ODR4: variants seen among roughly 807,000 people sequenced by gnomAD.
ODR4 encodes odr-4 GPCR localization factor homolog.
In ODR4, 47 loss-of-function variants were observed where a neutral mutation model predicts 60.2. That is an observed-to-expected ratio of 0.78 (90% CI 0.62 to 1.00). The LOEUF (loss-of-function observed/expected upper bound fraction) is 1.00. Among genes scored for constraint, ODR4 ranks in the 50% least tolerant of loss-of-function variants. ODR4 has a pLI of 0.00. For missense variants in ODR4, 488 were observed against 530.8 expected (o/e 0.92, Z 0.79); for synonymous variants, 178 against 175.5 (o/e 1.01, Z -0.11).
At chr1:186,397,758 T>C (rs1472160982) in intron 9 of ODR4, among the ~76,000 whole-genome samples, 1 of 152,188 alleles carries the variant, frequency 6.6e-6, no homozygotes, top group African/African-American at 2.4e-5. Flanking sequence ...TGAAAATATA[T>C]GTGAAACACC....
At position 186,388,455 on chromosome 1, in the gene ODR4, T is replaced by C. The variant is rs1553234923; in HGVS notation, c.344T>C (p.Val115Ala). 1 of 1,544,194 alleles carries C rather than the reference T, an allele frequency of 6.5e-7. No homozygotes were observed. The highest frequency in any genetic ancestry group is 8.7e-7 in the Non-Finnish European group (1 of 1,144,078). Residue 115 changes from valine (V) to alanine (A), a missense_variant, in exon 5 of 14, where the codon GTG becomes GCG. Physicochemically the swap from Val to Ala is moderately conservative, Grantham distance 64 (BLOSUM62 0). Transcript: ENST00000287859. ...TCTCTCTTTCAGCTAATGTTTGCTG[T>C]GGAAAAGTCTATAAATAGAAAGAGA... ...QNALRRLMFA[V>A]EKSINRKRLW...
At chr1:186,424,927 ACATTG>A (rs957926091), downstream of ODR4, among the ~76,000 whole-genome samples, 6 of 151,410 alleles carry the variant, frequency 4.0e-5, no homozygotes, top group Non-Finnish European at 7.4e-5. Flanking sequence ...TATTTTCACC[ACATTG>A]TATTGGTCAA....
At chr1:186,423,036 T>A (rs1475527178), downstream of ODR4, among the ~76,000 whole-genome samples, 1 of 152,072 alleles carries the variant, frequency 6.6e-6, no homozygotes, top group Non-Finnish European at 1.5e-5. Flanking sequence ...TTAGACAAAA[T>A]AGACCAAACT....
chr1:186,424,979 A>G (rs982683299), downstream of ODR4, among the ~76,000 whole-genome samples: 4 of 152,028 alleles, frequency 2.6e-5, no homozygotes, highest in African/African-American at 9.7e-5. Context: ...AAAGAAAAAA[A>G]AAAAAAACCC....
intron 11 of ODR4, chr1:186,401,124 T>C: frequency 1.3e-6 from 2 of 1,596,408 alleles, no homozygotes; most frequent in South Asian, 2.2e-5. Context: ...AAAAATCCTT[T>C]ATAAAAGTGG....
chr1:186,423,835 TGAAAA>T (rs918394212), downstream of ODR4, among the ~76,000 whole-genome samples: 20 of 152,258 alleles, frequency 1.3e-4, no homozygotes, highest in African/African-American at 3.4e-4. Flanking sequence ...ACTGAACACA[TGAAAA>T]GAAGTTTTAC....
chr1:186,376,901 A>G (rs767838952), intron 1 of ODR4, among the ~76,000 whole-genome samples: 1 of 152,224 alleles, frequency 6.6e-6, no homozygotes, highest in Non-Finnish European at 1.5e-5. Context: ...GAGCCCAGAA[A>G]GGTTGAGTTG....
At chr1:186,401,234 C>T (rs1295562805) in intron 11 of ODR4, 55 of 1,433,302 alleles carry the variant, frequency 3.8e-5, no homozygotes, top group Non-Finnish European at 5.2e-5. Flanking sequence ...AGCAGTTGTA[C>T]TGTTTGTATG....
Position 186,385,388 on chromosome 1 carries a change from A to G in ODR4, c.235-600A>G, listed in dbSNP as rs550079815. Among the ~76,000 whole-genome samples the G allele has an allele frequency of 8.0e-5, 12 of 150,906 alleles. No individual in the cohort carries two copies. In the East Asian group the frequency reaches 2.4e-3, roughly 30 times the overall value. On this transcript the variant is annotated intron_variant, in intron 3 of 13. Transcript: ENST00000287859. Reference sequence around the variant, plus strand: ...CCTGACCAACTAGTAGGGTTCACAGATAACTATGATATAAGACTATGTGAT... The same window carrying G: ...CCTGACCAACTAGTAGGGTTCACAGGTAACTATGATATAAGACTATGTGAT...
intron 12 of ODR4, among the ~76,000 whole-genome samples, chr1:186,409,787 G>A (rs796991388): frequency 6.6e-6 from 1 of 152,050 alleles, no homozygotes; most frequent in African/African-American, 2.4e-5. Flanking sequence ...CTTGTGATCC[G>A]CCTGCCTCAG....
In ODR4 at chr1:186,376,704, A is replaced by G. The variant is rs145618059; in HGVS notation, c.-20+730A>G. Among the ~76,000 whole-genome samples, 1,083 of 152,338 alleles carry G rather than the reference A, an allele frequency of 7.1e-3. 12 individuals carry two copies. Among genetic ancestry groups the G allele is most frequent in the African/African-American group, 0.025 (1,029 of 41,576 alleles). On this transcript the variant is annotated intron_variant, in intron 1 of 13. Coordinates refer to ENST00000287859, the MANE Select transcript of ODR4 (RefSeq NM_017847.6). ...CCCCAAAAATATTTTTTAGATAAGC[A>G]TTGTAATTAAAGTTGCTGGTATATG...
chr1:186,391,015 A>C (rs1660448192), intron 7 of ODR4, among the ~76,000 whole-genome samples, 164 bp downstream of exon 7: 1 of 152,204 alleles, frequency 6.6e-6, no homozygotes, highest in Non-Finnish European at 1.5e-5. Flanking sequence ...AATTTTTAGA[A>C]ATTTTTAGAA....
intron 3 of ODR4, among the ~76,000 whole-genome samples, chr1:186,383,874 G>T (rs112454419): frequency 0.2 from 29,904 of 151,590 alleles, 3,500 homozygotes; most frequent in African/African-American, 0.32. Context: ...CCCGTCTCTA[G>T]TAAAAATATG....
chr1:186,416,995 C>T (rs1661599746), intron 12 of ODR4, among the ~76,000 whole-genome samples: 1 of 151,916 alleles, frequency 6.6e-6, no homozygotes, highest in Admixed American at 6.6e-5. Flanking sequence ...CAGAGTCTCG[C>T]TCTTTCACCC....
rs567053723 is a variant in ODR4 at position 186,396,133 on chromosome 1, A to G, written c.780+2118A>G. ...TTGTGTAAGATTTCATTTGGTTCCC[A>G]TAGAAATGGGGATCTTCTCTTTTTC... On this transcript the variant is annotated intron_variant, in intron 9 of 13. Coordinates refer to ENST00000287859, the MANE Select transcript of ODR4 (RefSeq NM_017847.6). Among the ~76,000 whole-genome samples the G allele has an allele frequency of 8.5e-5, 13 of 152,330 alleles. No homozygotes were observed. In the East Asian group the frequency reaches 1.9e-3, roughly 23 times the overall value.
chr1:186,393,842 CTTG>C (rs1267431723), intron 8 of ODR4, 102 bp from the exon 9 acceptor site: 8 of 645,372 alleles, frequency 1.2e-5, no homozygotes, highest in Non-Finnish European at 2.2e-5. Flanking sequence ...AATTAAAAGA[CTTG>C]TTTTTTTCTA....
At chr1:186,431,298 T>C in the ODR4 span, among the ~76,000 whole-genome samples, 1 of 152,188 alleles carries the variant, frequency 6.6e-6, no homozygotes, top group Non-Finnish European at 1.5e-5. Flanking sequence ...GAATATCAAG[T>C]GGCCAAAGAA....
At chr1:186,394,741 T>C (rs1382648572) in intron 9 of ODR4, among the ~76,000 whole-genome samples, 1 of 152,196 alleles carries the variant, frequency 6.6e-6, no homozygotes, top group Non-Finnish European at 1.5e-5. Context: ...AATTTGGCAT[T>C]TGAGGATGTT....
At chr1:186,421,523 TATA>T (rs1432086631), downstream of ODR4, 1 of 152,100 alleles carries the variant, frequency 6.6e-6, no homozygotes, top group Non-Finnish European at 1.5e-5. Flanking sequence ...TTGACTATGT[TATA>T]ATAAATATGT....
Sources: allele counts gnomAD v4.1 joint callset (sites outside exome capture counted in the v4.1 genomes callset), GRCh38; gene constraint gnomAD v4.1.1; transcripts MANE v1.5; gene names NCBI Gene and HGNC (gene_info 2026-07-23, HGNC 2026-07-21).